The following GP6 variants were observed in gnomAD, a reference collection of about 807,000 sequenced individuals.
The protein encoded by GP6 is glycoprotein VI platelet.
In GP6, 45 loss-of-function variants were observed where a neutral mutation model predicts 37.3. The ratio of observed to expected loss-of-function variants is 1.21; its 90% CI spans 0.95 to 1.55. The LOEUF is 1.55. GP6 is among the 40% of genes most tolerant of loss of function. GP6 has a pLI of 0.00. For missense variants in GP6, 813 were observed against 760.2 expected (o/e 1.07, Z -0.82); for synonymous variants, 340 against 316.4 (o/e 1.07, Z -0.79).
chr19:55,015,177 A>C lies in GP6; in HGVS notation c.780-12T>G. On this transcript the variant is annotated splice_polypyrimidine_tract_variant and intron_variant, in intron 7 of 7. Coordinates refer to ENST00000310373, the MANE Select transcript of GP6 (RefSeq NM_001083899.2). ...CTGGCGGGCAGGACCTGGAGGAATG[A>C]GGAGAGGCAGGAGCAGGTGAAAGAG... The C allele has an allele frequency of 6.4e-7, 1 of 1,552,632 alleles. No individual in the cohort carries two copies. The highest frequency in any genetic ancestry group is 1.2e-5 in the South Asian group (1 of 84,160).
intron 5 of GP6, among the ~76,000 whole-genome samples, chr19:55,024,909 AGTTT>A (rs954495658): frequency 1.2e-3 from 180 of 148,956 alleles, no homozygotes; most frequent in African/African-American, 1.5e-3. Context: ...TTGGTTGGTT[AGTTT>A]GTTTGTTTTT....
Position 55,013,903 on chromosome 19 carries a change from G to A in GP6, c.*179C>T, listed in dbSNP as rs1461872724. On this transcript the variant is annotated 3_prime_UTR_variant, in exon 8 of 8. Transcript: ENST00000310373. ...TTAGATGGTCAAGAAATGCCTAAAC[G>A]CTATAATAAATATAGAACTTTACCT... is the stretch of plus-strand genomic sequence containing the variant. 12 of 369,270 alleles carry A rather than the reference G, an allele frequency of 3.2e-5. No homozygotes were observed. The highest frequency in any genetic ancestry group is 4.3e-5 in the Non-Finnish European group (8 of 187,884). 22.9% of individuals were successfully genotyped at this position (369,270 alleles called of 1,614,324 possible). A position where few individuals can be genotyped will look rare whatever the true frequency, so the allele number is the denominator to read the frequency against.
chr19:55,034,284 C>A (rs574049073), intron 1 of GP6, among the ~76,000 whole-genome samples: 1 of 151,896 alleles, frequency 6.6e-6, no homozygotes, highest in Admixed American at 6.6e-5. Context: ...TGGCCGGGCA[C>A]GGTGGCTCAT....
At chr19:55,027,910 AG>A in intron 3 of GP6, 48 bp from the exon 4 acceptor site, 1 of 1,591,348 alleles carries the variant, frequency 6.3e-7, no homozygotes, top group Non-Finnish European at 8.6e-7. Context: ...CCAGCATCTC[AG>A]CTGAGACTGG....
intron 1 of GP6, among the ~76,000 whole-genome samples, chr19:55,037,972 C>T (rs183006528): frequency 1.0e-3 from 155 of 152,076 alleles, no homozygotes; most frequent in African/African-American, 3.4e-3. Context: ...AAGTTGTGAC[C>T]AATGCTAGGA....
chr19:55,037,621 GC>G (rs1318406237), intron 1 of GP6, among the ~76,000 whole-genome samples: 6 of 93,620 alleles, frequency 6.4e-5, no homozygotes, highest in African/African-American at 1.6e-4. Flanking sequence ...ATGGCACTCA[GC>G]CTTTTTTTTT....
At position 55,032,999 on chromosome 19, in the gene GP6, C is replaced by CGTGTT. The variant is rs1303440275; in HGVS notation, c.35-466_35-462dup. On this transcript the variant is annotated intron_variant, in intron 1 of 7. Coordinates refer to ENST00000310373, the MANE Select transcript of GP6 (RefSeq NM_001083899.2). Reference sequence around the variant, plus strand: ...TTGTGTTAGACACGGTGGACTCGTTCGTGTTAGACGCGGTGGACTCGTTCG... The same window carrying CGTGTT: ...TTGTGTTAGACACGGTGGACTCGTTCGTGTTGTGTTAGACGCGGTGGACTCGTTCG... 9.4e-4 allele frequency: 163 copies of CGTGTT among 172,780 alleles called. 5 individuals are homozygous for CGTGTT. Among genetic ancestry groups the CGTGTT allele is most frequent in the Middle Eastern group, 2.4e-3 (1 of 424 alleles). 10.7% of individuals were successfully genotyped at this position (172,780 alleles called of 1,614,324 possible).
chr19:55,033,463 G>A (rs1294713735), intron 1 of GP6, among the ~76,000 whole-genome samples: 2 of 149,792 alleles, frequency 1.3e-5, no homozygotes, highest in Admixed American at 6.7e-5. Context: ...CGGTGGGCTC[G>A]TTCGTGTTGT....
At chr19:55,028,554 CTAG>C (rs1471442273) in intron 3 of GP6, among the ~76,000 whole-genome samples, 1 of 152,198 alleles carries the variant, frequency 6.6e-6, no homozygotes, top group African/African-American at 2.4e-5. Context: ...AATTAGCTTG[CTAG>C]TAGTAACTGT....
chr19:55,038,217 G>A lies in GP6; in HGVS notation c.20C>T (p.Ala7Val), dbSNP rs764304178. ...TCAGGACTCACCAAGACAGAAGAGGGCGGTCGGGGATGGAGACATGGTTCC... is the reference window on the plus strand; with the variant it reads ...TCAGGACTCACCAAGACAGAAGAGGACGGTCGGGGATGGAGACATGGTTCC... Residue 7 changes from alanine to valine, a missense_variant, in exon 1 of 8, where the codon GCC becomes GTC. By Grantham distance (64) the Ala-to-Val change is moderately conservative. Coordinates refer to ENST00000310373, the MANE Select transcript of GP6 (RefSeq NM_001083899.2). 2 of 1,592,772 alleles carry A rather than the reference G, an allele frequency of 1.3e-6. No homozygotes were observed. The highest frequency in any genetic ancestry group is 1.8e-5 in the Admixed American group (1 of 56,938).
chr19:55,019,024 C>G (rs2073976745), intron 5 of GP6, among the ~76,000 whole-genome samples: 1 of 152,110 alleles, frequency 6.6e-6, no homozygotes, highest in Non-Finnish European at 1.5e-5. Flanking sequence ...TGGGTACACA[C>G]CCAGGGGTGG....
intron 3 of GP6, among the ~76,000 whole-genome samples, chr19:55,030,635 G>A (rs1017231398): frequency 4.4e-4 from 67 of 151,298 alleles, no homozygotes; most frequent in Non-Finnish European, 7.5e-4. Flanking sequence ...GAGCCGCCGC[G>A]CCCGGCCCAA....
At chr19:55,038,147 T>G in intron 1 of GP6, 56 bp downstream of exon 1, 1 of 1,371,838 alleles carries the variant, frequency 7.3e-7, no homozygotes, top group South Asian at 1.2e-5. Flanking sequence ...AAATCCTTTG[T>G]CTGGCAGTCC....
At chr19:55,030,193 T>C (rs924339112) in intron 3 of GP6, among the ~76,000 whole-genome samples, 4 of 151,524 alleles carry the variant, frequency 2.6e-5, no homozygotes, top group South Asian at 2.1e-4. Flanking sequence ...TTCTAGAAAA[T>C]AACCATTTAA....
intron 7 of GP6, 42 bp from the exon 8 acceptor site, chr19:55,015,207 C>G: frequency 6.5e-7 from 1 of 1,550,078 alleles, no homozygotes; most frequent in Non-Finnish European, 8.7e-7. Flanking sequence ...AAAGAGCCCA[C>G]CTCCAGGACC....
chr19:55,025,227 G>A lies in GP6; in HGVS notation c.655C>T (p.Pro219Ser), dbSNP rs1613662. ...ACCCTGCAGAACCTACCTGCTACCGGGGAAGGTGGTTCTGTTGGTAACCGG... is the reference window on the plus strand; with the variant it reads ...ACCCTGCAGAACCTACCTGCTACCGAGGAAGGTGGTTCTGTTGGTAACCGG... Residue 219 changes from proline (P) to serine (S), a missense_variant, in exon 5 of 8, where the codon CCG becomes TCG. Pro to Ser is a moderately conservative substitution (Grantham distance 74). Coordinates refer to ENST00000310373, the MANE Select transcript of GP6 (RefSeq NM_001083899.2). 1,294,244 of 1,541,374 alleles carry A rather than the reference G, an allele frequency of 0.84. 544,761 individuals are homozygous for A. Among genetic ancestry groups the A allele is most frequent in the East Asian group, 0.98 (40,101 of 40,912 alleles).
chr19:55,027,698 T>C lies in GP6; in HGVS notation c.490A>G (p.Ser164Gly). 6.2e-7 allele frequency: 1 copy of C among 1,613,454 alleles called. No individual in the cohort carries two copies. The change falls in exon 4 of 8, where the codon AGT becomes GGT. Residue 164 changes from serine (S) to glycine (G), a missense_variant. Transcript: ENST00000310373. ...GCGGTCACCGTGATGATGGGAAAAC[T>C]AGCCCTGTACCATCTCTCGGGATTC... is the stretch of plus-strand genomic sequence containing the variant.
chr19:55,026,252 T>G (rs1056200703), intron 4 of GP6, among the ~76,000 whole-genome samples: 1 of 152,238 alleles, frequency 6.6e-6, no homozygotes, highest in African/African-American at 2.4e-5. Flanking sequence ...GCGTTGGGTA[T>G]GTTCACATTG....
Position 55,013,866 on chromosome 19 carries a change from G to A in GP6, c.*216C>T, listed in dbSNP as rs866229098. ...CCACTGCACTTGGCCCAGTGGTACA[G>A]TTTTACACTCATTAGATGGTCAAGA... On this transcript the variant is annotated 3_prime_UTR_variant, in exon 8 of 8. Coordinates refer to ENST00000310373, the MANE Select transcript of GP6 (RefSeq NM_001083899.2). 1.3e-4 allele frequency: 48 copies of A among 359,264 alleles called. No individual in the cohort carries two copies. Among genetic ancestry groups the A allele is most frequent in the South Asian group, 9.6e-4 (45 of 47,094 alleles). The allele number at this position is 359,264 out of a possible 1,614,324, so 22.3% of individuals were successfully genotyped here.
Sources: allele counts gnomAD v4.1 joint callset (sites outside exome capture counted in the v4.1 genomes callset), GRCh38; gene constraint gnomAD v4.1.1; transcripts MANE v1.5; gene names NCBI Gene and HGNC (gene_info 2026-07-23, HGNC 2026-07-21).